Variants in SNCAIP observed in about 807,000 individuals in gnomAD.
SNCAIP encodes synphilin-1.
A neutral mutation model predicts 86.7 loss-of-function variants in SNCAIP; 43 were observed. That is an observed-to-expected ratio of 0.50 (90% confidence interval 0.39 to 0.64). SNCAIP has a LOEUF of 0.64. Ranked by LOEUF, SNCAIP falls within the 30% of genes least tolerant of loss-of-function variation. SNCAIP has a pLI of 0.00. For synonymous variants in SNCAIP, 417 were observed against 427.2 expected (o/e 0.98, Z 0.29); for missense variants, 981 against 1,103.1 (o/e 0.89, Z 1.57).
intron 1 of SNCAIP, among the ~76,000 whole-genome samples, chr5:122,386,820 C>CA (rs111712528): frequency 1.1e-3 from 159 of 138,720 alleles, no homozygotes; most frequent in Middle Eastern, 0.011. Context: ...CTCCCCACTT[C>CA]AAAAAAAAAA....
At chr5:122,365,568 A>G (rs767069526) in intron 1 of SNCAIP, among the ~76,000 whole-genome samples, 4 of 152,190 alleles carry the variant, frequency 2.6e-5, no homozygotes, top group African/African-American at 4.8e-5. Context: ...AATCCCAGCT[A>G]CTTGGGAGGC....
At chr5:122,382,094 G>C (rs564249392) in intron 1 of SNCAIP, among the ~76,000 whole-genome samples, 1 of 152,102 alleles carries the variant, frequency 6.6e-6, no homozygotes, top group Non-Finnish European at 1.5e-5. Flanking sequence ...GGCCTTTCTT[G>C]CTAGGTTGGG....
chr5:122,453,583 G>A (rs987605120), intron 10 of SNCAIP, among the ~76,000 whole-genome samples: 26 of 152,260 alleles, frequency 1.7e-4, no homozygotes, highest in Admixed American at 7.8e-4. Flanking sequence ...AATTCAAAAT[G>A]CATGGACTAC....
At chr5:122,440,512 C>A in intron 6 of SNCAIP, 117 bp from the exon 7 acceptor site, 1 of 945,206 alleles carries the variant, frequency 1.1e-6, no homozygotes, top group Non-Finnish European at 1.7e-6. Flanking sequence ...TTTTCTCTTG[C>A]TACGGTAAGC....
chr5:122,449,357 A>G (rs1176532601), intron 8 of SNCAIP, among the ~76,000 whole-genome samples: 1 of 152,224 alleles, frequency 6.6e-6, no homozygotes, highest in East Asian at 1.9e-4. Flanking sequence ...TGTAAATTTG[A>G]AAAATCACAA....
intron 3 of SNCAIP, among the ~76,000 whole-genome samples, chr5:122,413,395 A>G (rs1478185831): frequency 6.6e-6 from 1 of 152,140 alleles, no homozygotes; most frequent in African/African-American, 2.4e-5. Context: ...ATTATCTCCC[A>G]GTTTCTCACG....
chr5:122,426,068 A>G (rs1380034512), intron 5 of SNCAIP, among the ~76,000 whole-genome samples: 8 of 152,196 alleles, frequency 5.3e-5, no homozygotes, highest in African/African-American at 1.7e-4. Flanking sequence ...ATTAATGTCG[A>G]CTGGAATAGA....
intron 6 of SNCAIP, among the ~76,000 whole-genome samples, chr5:122,432,919 C>T (rs1778697165): frequency 6.6e-6 from 1 of 152,086 alleles, no homozygotes; most frequent in African/African-American, 2.4e-5. Flanking sequence ...GCTTCTCATG[C>T]ATTTAACTGT....
intron 2 of SNCAIP, among the ~76,000 whole-genome samples, chr5:122,400,207 C>G (rs1001166217): frequency 6.6e-6 from 1 of 151,708 alleles, no homozygotes; most frequent in East Asian, 2.0e-4. Context: ...GTAGACAATG[C>G]GAGATGAGGC....
intron 8 of SNCAIP, among the ~76,000 whole-genome samples, chr5:122,446,776 G>A (rs1273860504): frequency 1.3e-5 from 2 of 152,182 alleles, no homozygotes; most frequent in African/African-American, 2.4e-5. Context: ...ACAGGAGAGA[G>A]GATGGAAAAC....
Position 122,444,650 on chromosome 5 carries a change from C to T in SNCAIP, c.1510C>T (p.Leu504=), listed in dbSNP as rs113042472. The change falls in exon 8 of 11, where the codon CTG becomes TTG. Residue 504 remains leucine (L), a synonymous_variant. Transcript: ENST00000261368. ...SQSAERQGHT[L]CSRYLVVVET... Reference sequence around the variant, plus strand: ...GAGCGCCGAGCGGCAGGGGCACACCCTGTGCTCCAGGTACCTGGTGGTGGT... The same window carrying T: ...GAGCGCCGAGCGGCAGGGGCACACCTTGTGCTCCAGGTACCTGGTGGTGGT... The T allele has an allele frequency of 2.6e-3, 4,161 of 1,613,808 alleles. 10 individuals carry two copies. Among genetic ancestry groups the T allele is most frequent in the Non-Finnish European group, 3.2e-3 (3,753 of 1,179,706 alleles).
chr5:122,372,528 G>A lies in SNCAIP; in HGVS notation c.-46-18561G>A, dbSNP rs920293913. Among the ~76,000 whole-genome samples the A allele has an allele frequency of 1.1e-4, 16 of 152,264 alleles. No homozygotes were observed. In the East Asian group the frequency reaches 2.9e-3, roughly 28 times the overall value. On this transcript the variant is annotated intron_variant, in intron 1 of 10. Coordinates refer to ENST00000261368, the MANE Select transcript of SNCAIP (RefSeq NM_005460.4). ...AGGGAAAATAGTTTGTCGTAGAGTGGATCACTATAATATACTTGGATTCAT... is the reference window on the plus strand; with the variant it reads ...AGGGAAAATAGTTTGTCGTAGAGTGAATCACTATAATATACTTGGATTCAT...
intron 10 of SNCAIP, among the ~76,000 whole-genome samples, chr5:122,459,945 C>T (rs1421424721): frequency 1.3e-5 from 2 of 152,078 alleles, no homozygotes; most frequent in Non-Finnish European, 2.9e-5. Flanking sequence ...GTAACATGCT[C>T]ATACAGATTT....
chr5:122,363,111 C>T (rs1445996849), intron 1 of SNCAIP, among the ~76,000 whole-genome samples: 1 of 151,698 alleles, frequency 6.6e-6, no homozygotes, highest in Non-Finnish European at 1.5e-5. Context: ...ATTCTCTTGC[C>T]TCAGTCTCCC....
chr5:122,325,194 C>T (rs974498962), intron 1 of SNCAIP, among the ~76,000 whole-genome samples: 3 of 152,202 alleles, frequency 2.0e-5, no homozygotes, highest in Middle Eastern at 3.2e-3. Context: ...CCTTTCTCCA[C>T]CTGCTCTGTG....
At chr5:122,362,264 TC>T (rs1252993016) in intron 1 of SNCAIP, among the ~76,000 whole-genome samples, 20 of 152,152 alleles carry the variant, frequency 1.3e-4, no homozygotes, top group Non-Finnish European at 2.9e-4. Flanking sequence ...AGTCCCCACC[TC>T]TTAAAATCCT....
intron 10 of SNCAIP, among the ~76,000 whole-genome samples, chr5:122,456,389 G>A (rs554810704): frequency 6.6e-6 from 1 of 152,154 alleles, no homozygotes; most frequent in Non-Finnish European, 1.5e-5. Context: ...TATAGTAATG[G>A]TCATCTGCTG....
chr5:122,450,593 T>C lies in SNCAIP; in HGVS notation c.1746T>C (p.Asp582=), dbSNP rs1370439928. 6.2e-7 allele frequency: 1 copy of C among 1,614,150 alleles called. No individual in the cohort carries two copies. The highest frequency in any genetic ancestry group is 8.5e-7 in the Non-Finnish European group (1 of 1,180,014). Residue 582 remains aspartate (D), a synonymous_variant, in exon 10 of 11, where the codon GAT becomes GAC. Transcript: ENST00000261368. ...SQWKSPDADD[D]SVAKSKPGVQ... ...GGAAATCTCCAGATGCAGATGATGATTCTGTAGCCAAAAGCAAGCCAGGAG... is the reference window on the plus strand; with the variant it reads ...GGAAATCTCCAGATGCAGATGATGACTCTGTAGCCAAAAGCAAGCCAGGAG...
At chr5:122,366,635 G>C (rs995496480) in intron 1 of SNCAIP, among the ~76,000 whole-genome samples, 2 of 152,172 alleles carry the variant, frequency 1.3e-5, no homozygotes, top group Admixed American at 6.5e-5. Flanking sequence ...AAAGCACCAG[G>C]ACAAGAAACA....
Sources: allele counts gnomAD v4.1 joint callset (sites outside exome capture counted in the v4.1 genomes callset), GRCh38; gene constraint gnomAD v4.1.1; transcripts MANE v1.5; gene names NCBI Gene and HGNC (gene_info 2026-07-23, HGNC 2026-07-21).